RGS20: variants seen among roughly 807,000 people sequenced by gnomAD.
RGS20 encodes the protein gz-selective GTPase-activating protein.
In RGS20, 30 loss-of-function variants were observed where a neutral mutation model predicts 33.6. That is an observed-to-expected ratio of 0.89 (90% confidence interval 0.67 to 1.21). The LOEUF (loss-of-function observed/expected upper bound fraction) is 1.21. RGS20 is among the 50% of genes most tolerant of loss of function. The pLI is 0.00. For synonymous variants in RGS20, 208 were observed against 197.9 expected, an observed-to-expected ratio of 1.05 and a Z score of -0.43; for missense variants, 472 against 502.4, an observed-to-expected ratio of 0.94 and a Z score of 0.58.
chr8:53,947,530 A>T (rs1036746367), intron 4 of RGS20, among the ~76,000 whole-genome samples: 1 of 137,984 alleles, frequency 7.2e-6, no homozygotes, highest in Non-Finnish European at 1.5e-5. Context: ...TATGCTATAT[A>T]GGATATAGTA....
intron 1 of RGS20, among the ~76,000 whole-genome samples, chr8:53,863,440 A>T (rs1428832476): frequency 6.6e-6 from 1 of 152,152 alleles, no homozygotes; most frequent in East Asian, 1.9e-4. Context: ...TTTTAAAGGC[A>T]GGGAGTAGAA....
chr8:53,923,642 C>G (rs555221934), intron 2 of RGS20, among the ~76,000 whole-genome samples: 1 of 152,072 alleles, frequency 6.6e-6, no homozygotes, highest in Non-Finnish European at 1.5e-5. Flanking sequence ...TTTTTAATAA[C>G]TCACTAGTTA....
At chr8:53,870,977 G>A (rs899604444) in intron 1 of RGS20, among the ~76,000 whole-genome samples, 24 of 151,542 alleles carry the variant, frequency 1.6e-4, no homozygotes, top group East Asian at 7.7e-4. Context: ...CAGGTGTGGC[G>A]GCAGGAGCCT....
At chr8:53,948,391 A>G (rs1814602019) in intron 4 of RGS20, among the ~76,000 whole-genome samples, 1 of 142,854 alleles carries the variant, frequency 7.0e-6, no homozygotes, top group South Asian at 2.3e-4. Context: ...TATATGCTAT[A>G]TATAAGATAC....
At chr8:53,954,365 C>A in intron 5 of RGS20, 55 bp downstream of exon 4, 1 of 1,234,772 alleles carries the variant, frequency 8.1e-7, no homozygotes, top group Non-Finnish European at 1.2e-6. Context: ...TAACTTGGTG[C>A]AAAAGTAATT....
At chr8:53,909,497 C>A (rs1813294178) in intron 2 of RGS20, among the ~76,000 whole-genome samples, 1 of 151,786 alleles carries the variant, frequency 6.6e-6, no homozygotes, top group Admixed American at 6.6e-5. Context: ...GTGATCCGCC[C>A]ATGGCCTTGG....
At chr8:53,853,941 C>T (rs1034202255) in intron 1 of RGS20, among the ~76,000 whole-genome samples, 17 of 152,092 alleles carry the variant, frequency 1.1e-4, no homozygotes, top group Middle Eastern at 3.4e-3. Flanking sequence ...CTAAGGTAGA[C>T]GTGAAATAAT....
intron 1 of RGS20, among the ~76,000 whole-genome samples, chr8:53,869,616 C>T (rs1022116501): frequency 3.3e-5 from 5 of 152,012 alleles, no homozygotes; most frequent in African/African-American, 1.2e-4. Flanking sequence ...TTGGAGGTTG[C>T]GGCGAGCCAA....
chr8:53,926,033 T>A (rs1813786360), intron 2 of RGS20, among the ~76,000 whole-genome samples: 1 of 151,916 alleles, frequency 6.6e-6, no homozygotes, highest in African/African-American at 2.4e-5. Context: ...CATAGTGAGA[T>A]CCCACCTCTA....
rs549258442 is a variant in RGS20 at position 53,877,196 on chromosome 8, G to A, written c.166-2062G>A. ...CGGCTTTTTTCAAGCCCTTGCGTAG[G>A]GTCGGGAAGGCCGTGGGTGGGCTCA... On this transcript the variant is annotated intron_variant, in intron 1 of 5. Coordinates refer to ENST00000297313, the MANE Select transcript of RGS20 (RefSeq NM_170587.4). The surrounding 1 kb of genome is among the most constrained non-coding windows in gnomAD (Gnocchi z 5.7). 2.6e-4 allele frequency among the ~76,000 whole-genome samples: 40 copies of A among 152,296 alleles called. No individual in the cohort carries two copies. Among genetic ancestry groups the A allele is most frequent in the Non-Finnish European group, 5.1e-4 (35 of 68,020 alleles).
At chr8:53,932,422 A>T (rs1813998795) in intron 2 of RGS20, among the ~76,000 whole-genome samples, 1 of 152,210 alleles carries the variant, frequency 6.6e-6, no homozygotes, top group South Asian at 2.1e-4. Flanking sequence ...TTGACCTGGG[A>T]TGCTTAAGCT....
intron 2 of RGS20, among the ~76,000 whole-genome samples, chr8:53,901,654 A>G (rs758841059): frequency 2.6e-5 from 4 of 152,212 alleles, no homozygotes; most frequent in Non-Finnish European, 4.4e-5. Context: ...AAAAGGACAG[A>G]TACTATATGA....
At chr8:53,948,211 AAG>A (rs1814587568) in intron 4 of RGS20, among the ~76,000 whole-genome samples, 1 of 85,650 alleles carries the variant, frequency 1.2e-5, no homozygotes, top group Non-Finnish European at 2.9e-5. Context: ...TGCTATATAT[AAG>A]ATAGTATATA....
chr8:53,882,341 C>T (rs1252994428), intron 2 of RGS20, among the ~76,000 whole-genome samples: 1 of 152,070 alleles, frequency 6.6e-6, no homozygotes, highest in Non-Finnish European at 1.5e-5. Context: ...TCGTGAGCTT[C>T]CCGGACTTGA....
chr8:53,896,161 C>T (rs1272520317), intron 2 of RGS20, among the ~76,000 whole-genome samples: 1 of 152,090 alleles, frequency 6.6e-6, no homozygotes, highest in African/African-American at 2.4e-5. Flanking sequence ...GAGCCTTAGT[C>T]CCTGCTACTC....
intron 2 of RGS20, among the ~76,000 whole-genome samples, chr8:53,901,735 G>A (rs934506193): frequency 2.6e-5 from 4 of 152,166 alleles, no homozygotes; most frequent in African/African-American, 9.7e-5. Context: ...TGTAGTCCGA[G>A]CTACTTGGGA....
intron 2 of RGS20, among the ~76,000 whole-genome samples, chr8:53,909,913 C>G (rs1025064329): frequency 6.6e-6 from 1 of 152,176 alleles, no homozygotes; most frequent in African/African-American, 2.4e-5. Context: ...CTCTTTCCTT[C>G]TAGAGTCCTT....
chr8:53,907,474 C>T (rs1289850259), intron 2 of RGS20, among the ~76,000 whole-genome samples: 1 of 151,958 alleles, frequency 6.6e-6, no homozygotes, highest in Non-Finnish European at 1.5e-5. Flanking sequence ...ATCCCAGCTA[C>T]TCAGGAGGCT....
intron 5 of RGS20, among the ~76,000 whole-genome samples, chr8:53,958,029 G>C (rs1168910286): frequency 6.6e-6 from 1 of 151,964 alleles, no homozygotes; most frequent in African/African-American, 2.4e-5. Context: ...CCAGCTACTC[G>C]GGAGGCTGAG....
Sources: allele counts gnomAD v4.1 joint callset (sites outside exome capture counted in the v4.1 genomes callset), GRCh38; gene constraint gnomAD v4.1.1; non-coding constraint Gnocchi (gnomAD v3.1); transcripts MANE v1.5; gene names NCBI Gene and HGNC (gene_info 2026-07-23, HGNC 2026-07-21).